ARFGAP3: variants seen among roughly 807,000 people sequenced by gnomAD.
ARFGAP3 encodes the protein ARF GTPase activating protein 3.
Under a neutral mutation model 75.0 loss-of-function variants are expected in ARFGAP3, and 72 were observed. That is an observed-to-expected ratio of 0.96 (90% CI 0.79 to 1.17). The LOEUF is 1.17. Among genes scored for constraint, ARFGAP3 ranks in the 50% most tolerant of loss-of-function variants. The pLI, the probability that ARFGAP3 is intolerant of heterozygous loss-of-function variation, is 0.00. For missense variants in ARFGAP3, 620 were observed against 626.6 expected (o/e 0.99, Z 0.11); for synonymous variants, 221 against 217.9 (o/e 1.01, Z -0.13).
chr22:42,845,024 AT>A (rs1448022464), intron 2 of ARFGAP3, among the ~76,000 whole-genome samples: 1 of 152,130 alleles, frequency 6.6e-6, no homozygotes, highest in Admixed American at 6.6e-5. Context: ...AAACCACCCG[AT>A]TTCCTGGAAT....
intron 12 of ARFGAP3, among the ~76,000 whole-genome samples, 153 bp downstream of exon 12, chr22:42,810,660 C>G (rs539163062): frequency 1.3e-5 from 2 of 152,168 alleles, no homozygotes; most frequent in South Asian, 4.2e-4. Context: ...CTCAAGTGAT[C>G]CTTTGACCTC....
At chr22:42,825,333 T>C (rs1602109531) in intron 7 of ARFGAP3, among the ~76,000 whole-genome samples, 1 of 152,118 alleles carries the variant, frequency 6.6e-6, no homozygotes, top group Non-Finnish European at 1.5e-5. Context: ...ACGTGCTTTT[T>C]CACCTTGGCT....
At chr22:42,836,001 T>G (rs1926505341) in intron 3 of ARFGAP3, among the ~76,000 whole-genome samples, 1 of 97,164 alleles carries the variant, frequency 1.0e-5, no homozygotes, top group Non-Finnish European at 2.0e-5. Flanking sequence ...TTTTTTTTTT[T>G]TGAGAGAGTC....
At chr22:42,812,453 C>G (rs1925409266) in intron 11 of ARFGAP3, among the ~76,000 whole-genome samples, 1 of 152,040 alleles carries the variant, frequency 6.6e-6, no homozygotes, top group Non-Finnish European at 1.5e-5. Flanking sequence ...GGACAGGAAG[C>G]ACACTGGAAA....
intron 2 of ARFGAP3, among the ~76,000 whole-genome samples, chr22:42,842,740 A>G (rs1926840898): frequency 6.6e-6 from 1 of 151,960 alleles, no homozygotes; most frequent in African/African-American, 2.4e-5. Context: ...CTAGAGTTTT[A>G]CTTATAGACA....
chr22:42,809,258 C>T (rs1925259082), intron 12 of ARFGAP3, among the ~76,000 whole-genome samples: 1 of 152,176 alleles, frequency 6.6e-6, no homozygotes, highest in Admixed American at 6.5e-5. Flanking sequence ...TCAAGTCACA[C>T]CTGTTGTCCC....
intron 9 of ARFGAP3, among the ~76,000 whole-genome samples, chr22:42,820,454 A>T (rs887423041): frequency 6.6e-6 from 1 of 152,188 alleles, no homozygotes; most frequent in African/African-American, 2.4e-5. Context: ...ATCTTAGCGA[A>T]CCGTCAGTAT....
In ARFGAP3 at chr22:42,797,556, T is replaced by C. The variant is rs764550672; in HGVS notation, c.*32A>G. On this transcript the variant is annotated 3_prime_UTR_variant, in exon 16 of 16. Coordinates refer to ENST00000263245, the MANE Select transcript of ARFGAP3 (RefSeq NM_014570.5). Reference sequence around the variant, plus strand: ...GTTACTTGTTCATTTAAAGAGGAATTTCTCCAGGAAATACACATCATGACT... The same window carrying C: ...GTTACTTGTTCATTTAAAGAGGAATCTCTCCAGGAAATACACATCATGACT... The C allele has an allele frequency of 1.2e-6, 2 of 1,614,048 alleles. No homozygotes were observed. Among genetic ancestry groups the C allele is most frequent in the Admixed American group, 1.7e-5 (1 of 60,014 alleles).
rs535539094 is a variant in ARFGAP3 at position 42,832,113 on chromosome 22, G to A, written c.478-477C>T. On this transcript the variant is annotated intron_variant, in intron 5 of 15. Transcript: ENST00000263245. Reference sequence around the variant, plus strand: ...TCCTCTTTCTTGATAACCATTTTTGGTAACTATTGACTGTGACAATGCTAA... The same window carrying A: ...TCCTCTTTCTTGATAACCATTTTTGATAACTATTGACTGTGACAATGCTAA... Among the ~76,000 whole-genome samples the A allele has an allele frequency of 4.1e-5, 6 of 148,070 alleles. No individual in the cohort carries two copies. In the South Asian group the frequency reaches 1.3e-3, roughly 31 times the overall value.
In ARFGAP3 at chr22:42,796,633, AAATATATTTTACTGTGCTGAAC is replaced by A. The variant is rs761779506; in HGVS notation, c.*933_*954del. Reference sequence around the variant, plus strand: ...CCACATTTTTGGCTTATCAAATTTCAAATATATTTTACTGTGCTGAACAATATATTCTAATGCTGTCTAAAAC... The same window carrying A: ...CCACATTTTTGGCTTATCAAATTTCAAATATATTCTAATGCTGTCTAAAAC... On this transcript the variant is annotated 3_prime_UTR_variant, in exon 16 of 16. Transcript: ENST00000263245. 19 of 152,252 alleles carry A rather than the reference AAATATATTTTACTGTGCTGAAC, an allele frequency of 1.2e-4. No individual in the cohort carries two copies. The highest frequency in any genetic ancestry group is 2.1e-4 in the Non-Finnish European group (14 of 68,038). The allele number at this position is 152,252 out of a possible 1,614,324, so 9.4% of individuals were successfully genotyped here.
chr22:42,842,008 G>A lies in ARFGAP3; in HGVS notation c.189-992C>T, dbSNP rs527329103. On this transcript the variant is annotated intron_variant, in intron 2 of 15. Transcript: ENST00000263245. ...CCAAGTAGATGGTAGCTACCATGCC[G>A]GGCTTTTTTTTTTTTTTTTTTTTTG... Among the ~76,000 whole-genome samples, 106 of 131,656 alleles carry A rather than the reference G, an allele frequency of 8.1e-4. 1 individual carries two copies. Among genetic ancestry groups the A allele is most frequent in the African/African-American group, 2.9e-3 (95 of 32,816 alleles). 86.4% of individuals were successfully genotyped at this position (131,656 alleles called of 152,430 possible). A position where few individuals can be genotyped will look rare whatever the true frequency, so the allele number is the denominator to read the frequency against.
chr22:42,835,336 A>C (rs1215051134), intron 4 of ARFGAP3, 26 bp downstream of exon 4: 1 of 1,609,900 alleles, frequency 6.2e-7, no homozygotes, highest in African/African-American at 1.3e-5. Context: ...TATCTAAAGG[A>C]AACAATCCAG....
chr22:42,857,273 C>T lies in ARFGAP3; in HGVS notation c.-91G>A, dbSNP rs953831724. 23 of 1,456,904 alleles carry T rather than the reference C, an allele frequency of 1.6e-5. No homozygotes were observed. The South Asian group carries it at 2.0e-4, about 13-fold the overall frequency. 90.2% of individuals were successfully genotyped at this position (1,456,904 alleles called of 1,614,324 possible). On this transcript the variant is annotated 5_prime_UTR_variant, in exon 1 of 16. Coordinates refer to ENST00000263245, the MANE Select transcript of ARFGAP3 (RefSeq NM_014570.5). ...CGCCTCAGCAGGAGCGACGAGGCCG[C>T]GGGGGCGGGGCTGCGCGTAACGGTC...
At chr22:42,813,783 T>C (rs1045004925) in intron 11 of ARFGAP3, among the ~76,000 whole-genome samples, 3 of 152,196 alleles carry the variant, frequency 2.0e-5, no homozygotes, top group Non-Finnish European at 2.9e-5. Flanking sequence ...CAGCTGACCT[T>C]TGGAAGGATG....
chr22:42,824,413 G>GTAGCC (rs1925950766), intron 7 of ARFGAP3, among the ~76,000 whole-genome samples: 1 of 151,938 alleles, frequency 6.6e-6, no homozygotes, highest in African/African-American at 2.4e-5. Context: ...CTGGAGTGTA[G>GTAGCC]TAGTGTGATC....
intron 6 of ARFGAP3, among the ~76,000 whole-genome samples, chr22:42,827,890 C>A (rs1216379580): frequency 2.0e-5 from 3 of 152,116 alleles, no homozygotes; most frequent in African/African-American, 7.2e-5. Context: ...TCGAGACCTC[C>A]CACCTTGGCC....
At chr22:42,842,743 T>C (rs1283793073) in intron 2 of ARFGAP3, among the ~76,000 whole-genome samples, 1 of 152,060 alleles carries the variant, frequency 6.6e-6, no homozygotes, top group Non-Finnish European at 1.5e-5. Flanking sequence ...GAGTTTTACT[T>C]ATAGACAATC....
chr22:42,840,570 C>T (rs543041907), intron 3 of ARFGAP3, among the ~76,000 whole-genome samples: 1 of 152,150 alleles, frequency 6.6e-6, no homozygotes, highest in African/African-American at 2.4e-5. Context: ...GTGTGCACCA[C>T]CATACCCAGC....
intron 6 of ARFGAP3, among the ~76,000 whole-genome samples, chr22:42,828,352 T>C (rs1217404725): frequency 6.6e-6 from 1 of 150,952 alleles, no homozygotes; most frequent in Non-Finnish European, 1.5e-5. Context: ...AGGTCAAGAG[T>C]TCAAGACCAG....
Sources: gnomAD v4.1 joint callset for allele counts (sites outside exome capture counted in the v4.1 genomes callset) on GRCh38, gnomAD v4.1.1 for gene constraint, MANE v1.5 for transcripts, NCBI Gene and HGNC (gene_info 2026-07-23, HGNC 2026-07-21) for gene names.